TECPR2: variants seen among roughly 807,000 people sequenced by gnomAD.
TECPR2 encodes the protein tectonin beta-propeller repeat-containing protein 2.
A neutral mutation model predicts 138.1 loss-of-function variants in TECPR2; 65 were observed. The observed-to-expected ratio is 0.47, with a 90% CI of 0.39 to 0.58. The LOEUF (loss-of-function observed/expected upper bound fraction) is 0.58. TECPR2 is among the 20% of genes least tolerant of loss of function. The pLI, the probability that TECPR2 is intolerant of heterozygous loss-of-function variation, is 0.00. For missense variants in TECPR2, 1,553 were observed against 1,824.5 expected, an observed-to-expected ratio of 0.85 and a Z score of 2.71; for synonymous variants, 746 against 749.8, an observed-to-expected ratio of 0.99 and a Z score of 0.08.
At position 102,374,085 on chromosome 14, in the gene TECPR2, A is replaced by G. The variant is rs186416125; in HGVS notation, c.-72-2565A>G. Among the ~76,000 whole-genome samples, 203 of 151,748 alleles carry G rather than the reference A, an allele frequency of 1.3e-3. 1 individual carries two copies. The highest frequency in any genetic ancestry group is 9.9e-3 in the Admixed American group (151 of 15,250). On this transcript the variant is annotated intron_variant, in intron 1 of 19. Coordinates refer to ENST00000359520, the MANE Select transcript of TECPR2 (RefSeq NM_014844.5). The stretch of plus-strand genomic sequence containing the variant: ...AGATTCTGTCTCAAAAAAAAAAAAA[A>G]AAAAGAAAAGAAATAGAATCTAAAA...
intron 5 of TECPR2, among the ~76,000 whole-genome samples, chr14:102,422,104 GATTACCCCACAGCCCACCA>G (rs1282849216): frequency 6.6e-6 from 1 of 152,120 alleles, no homozygotes; most frequent in African/African-American, 2.4e-5. Flanking sequence ...GCAACCCAGC[GATTACCCCACAGCCCACCA>G]ACTGCATCCT....
intron 12 of TECPR2, among the ~76,000 whole-genome samples, 171 bp from the exon 13 acceptor site, chr14:102,445,635 A>G: frequency 6.6e-6 from 1 of 152,130 alleles, no homozygotes; most frequent in East Asian, 1.9e-4. Flanking sequence ...TCTCTTGCAC[A>G]GTAATTTAAC....
rs1567369002 is a variant in TECPR2 at position 102,501,975 on chromosome 14, TTC to T, written c.*3720_*3721del. On this transcript the variant is annotated 3_prime_UTR_variant, in exon 20 of 20. Transcript: ENST00000359520. ...AGGCCTTGCATCTCGCCACCTCCAC[TTC>T]TGTCCTCAAGAACAAGTCCTAGGTC... 2 of 152,342 alleles carry T rather than the reference TTC, an allele frequency of 1.3e-5. No individual in the cohort carries two copies. Among genetic ancestry groups the T allele is most frequent in the East Asian group, 3.9e-4 (2 of 5,188 alleles). 9.4% of individuals were successfully genotyped at this position (152,342 alleles called of 1,614,324 possible).
rs1456001328 is a variant in TECPR2 at position 102,450,580 on chromosome 14, G to A, written c.3337G>A (p.Val1113Ile). ...TCCAGGCACCTACTGGAATCATGTG[G>A]TTCCCCGTGGGACAGCTTCTGCTAC... ...SLIGTYWNHV[V>I]PRGTASATKW... is the part of the protein sequence containing the mutation. The change falls in exon 15 of 20, where the codon GTT becomes ATT. Residue 1113 changes from valine to isoleucine, a missense_variant. Transcript: ENST00000359520. 1.2e-6 allele frequency: 2 copies of A among 1,614,150 alleles called. No individual in the cohort carries two copies. Among genetic ancestry groups the A allele is most frequent in the African/African-American group, 1.3e-5 (1 of 75,052 alleles).
chr14:102,424,648 T>C (rs1287742309), intron 5 of TECPR2, among the ~76,000 whole-genome samples: 1 of 152,228 alleles, frequency 6.6e-6, no homozygotes, highest in East Asian at 1.9e-4. Flanking sequence ...TGTTATGTGA[T>C]GCGTGACTGT....
intron 17 of TECPR2, among the ~76,000 whole-genome samples, chr14:102,494,950 C>T (rs532061666): frequency 9.9e-5 from 15 of 152,100 alleles, no homozygotes; most frequent in Non-Finnish European, 1.8e-4. Context: ...CGGTGGCTCA[C>T]GCCTGTAATC....
chr14:102,478,452 G>A (rs1481536860), intron 17 of TECPR2, among the ~76,000 whole-genome samples: 1 of 151,616 alleles, frequency 6.6e-6, no homozygotes, highest in Non-Finnish European at 1.5e-5. Flanking sequence ...AGGTCGAGGC[G>A]GGTAGATTGC....
In TECPR2 at chr14:102,445,814, AAGCTTT is replaced by A; in HGVS notation, c.2945_2950del (p.Ala982_Leu983del). On this transcript the variant is annotated inframe_deletion, in exon 13 of 20. Transcript: ENST00000359520. The stretch of plus-strand genomic sequence containing the variant: ...CTCCTCCTTATTTTCAGCGAAAGGC[AAGCTTT>A]AGAACCCGTCTGCATAACGCTCGGG... The A allele has an allele frequency of 6.2e-7, 1 of 1,613,644 alleles. No homozygotes were observed. Among genetic ancestry groups the A allele is most frequent in the South Asian group, 1.1e-5 (1 of 91,044 alleles).
At position 102,408,622 on chromosome 14, in the gene TECPR2, A is replaced by G. The variant is rs779190884; in HGVS notation, c.480+3A>G. On this transcript the variant is annotated splice_donor_region_variant and intron_variant, in intron 4 of 19. Transcript: ENST00000359520. ...ATTCTTCTCTGGATCTAGACCAGGTAAAATTATTTTCAGAAATACTGTTGG... is the reference window on the plus strand; with the variant it reads ...ATTCTTCTCTGGATCTAGACCAGGTGAAATTATTTTCAGAAATACTGTTGG... 9 of 1,598,618 alleles carry G rather than the reference A, an allele frequency of 5.6e-6. No homozygotes were observed. Among genetic ancestry groups the G allele is most frequent in the South Asian group, 1.1e-5 (1 of 87,238 alleles).
At chr14:102,371,039 G>T (rs1471180915) in intron 1 of TECPR2, among the ~76,000 whole-genome samples, 1 of 152,212 alleles carries the variant, frequency 6.6e-6, no homozygotes, top group Non-Finnish European at 1.5e-5. Context: ...ATTTCAGATG[G>T]TAATTGGAGA....
intron 8 of TECPR2, 102 bp downstream of exon 8, chr14:102,432,230 A>C: frequency 8.3e-7 from 1 of 1,211,882 alleles, no homozygotes; most frequent in Non-Finnish European, 1.1e-6. Flanking sequence ...ATACATCCAA[A>C]AGCAGAGAAC....
intron 17 of TECPR2, among the ~76,000 whole-genome samples, chr14:102,483,407 T>A (rs1890939589): frequency 1.2e-5 from 1 of 81,320 alleles, no homozygotes; most frequent in South Asian, 4.3e-4. Flanking sequence ...TTGTTGTTGT[T>A]GTTGTAGGGT....
At chr14:102,417,322 C>G (rs1016738677) in intron 5 of TECPR2, among the ~76,000 whole-genome samples, 3 of 152,222 alleles carry the variant, frequency 2.0e-5, no homozygotes, top group Admixed American at 1.3e-4. Flanking sequence ...TCCCTCACAA[C>G]TGTTTAGTGA....
intron 11 of TECPR2, among the ~76,000 whole-genome samples, chr14:102,441,221 C>T (rs1341740295): frequency 6.6e-6 from 1 of 152,066 alleles, no homozygotes; most frequent in Non-Finnish European, 1.5e-5. Context: ...GTGCCCATCA[C>T]CACGCCCAGC....
chr14:102,363,876 G>GC (rs780593508), intron 1 of TECPR2, among the ~76,000 whole-genome samples: 1 of 152,212 alleles, frequency 6.6e-6, no homozygotes, highest in African/African-American at 2.4e-5. Context: ...GTAAAGGGGA[G>GC]CCCCTGCTGT....
chr14:102,448,736 G>C (rs1046628710), intron 13 of TECPR2, among the ~76,000 whole-genome samples: 1 of 151,862 alleles, frequency 6.6e-6, no homozygotes, highest in African/African-American at 2.4e-5. Flanking sequence ...CTGTTGTGGC[G>C]TGCGCCTGTA....
intron 3 of TECPR2, 98 bp from the exon 4 acceptor site, chr14:102,408,390 C>T (rs1374521396): frequency 7.4e-7 from 1 of 1,347,868 alleles, no homozygotes; most frequent in East Asian, 2.5e-5. Flanking sequence ...ACCAGCTCTT[C>T]CCTAACTAGG....
In TECPR2 at chr14:102,425,144, T is replaced by C; in HGVS notation, c.804T>C (p.Phe268=). 6.2e-7 allele frequency: 1 copy of C among 1,614,180 alleles called. No individual in the cohort carries two copies. The highest frequency in any genetic ancestry group is 8.5e-7 in the Non-Finnish European group (1 of 1,180,032). Residue 268 remains phenylalanine, a synonymous_variant, in exon 6 of 20, where the codon TTT becomes TTC. Transcript: ENST00000359520. The stretch of plus-strand genomic sequence containing the variant: ...CTTTTGCCGGGGGAGTCAAGCCTTT[T>C]GAACTGCACCCGCGTCTGGAATCCC... The part of the protein sequence containing the change: ...KDAFAGGVKP[F]ELHPRLESPN...
chr14:102,377,375 G>A (rs1723834347), intron 2 of TECPR2, among the ~76,000 whole-genome samples: 1 of 152,122 alleles, frequency 6.6e-6, no homozygotes, highest in Non-Finnish European at 1.5e-5. Flanking sequence ...GCCCAGGCTG[G>A]TCTTGAACTC....
Sources: gnomAD v4.1 joint callset for allele counts (sites outside exome capture counted in the v4.1 genomes callset) on GRCh38, gnomAD v4.1.1 for gene constraint, MANE v1.5 for transcripts, NCBI Gene and HGNC (gene_info 2026-07-23, HGNC 2026-07-21) for gene names.